The following GLIS3 variants were observed in gnomAD, a reference collection of about 807,000 sequenced individuals.
The protein encoded by GLIS3 is zinc finger protein GLIS3.
Under a neutral mutation model 78.6 loss-of-function variants are expected in GLIS3, and 53 were observed. That is an observed-to-expected ratio of 0.67 (90% CI 0.54 to 0.85). GLIS3 has a LOEUF of 0.85. Among genes scored for constraint, GLIS3 ranks in the 40% least tolerant of loss-of-function variants. The probability of loss-of-function intolerance (pLI) is 0.00; values close to 1 mark genes in which losing one functional copy is unlikely to be tolerated. For synonymous variants in GLIS3, 684 were observed against 509.9 expected (o/e 1.34, Z -4.60); for missense variants, 1,703 against 1,231.1 (o/e 1.38, Z -5.74).
chr9:3,912,804 G>A (rs185785620), intron 6 of GLIS3, among the ~76,000 whole-genome samples: 210 of 152,116 alleles, frequency 1.4e-3, no homozygotes, highest in African/African-American at 4.9e-3. Context: ...ATGTTAATAC[G>A]GAATTTCACT....
At chr9:3,861,905 C>G (rs1016007970) in intron 8 of GLIS3, among the ~76,000 whole-genome samples, 3 of 152,092 alleles carry the variant, frequency 2.0e-5, no homozygotes, top group African/African-American at 7.2e-5. Context: ...CTGTAACAAA[C>G]CGGCACATCC....
intron 6 of GLIS3, among the ~76,000 whole-genome samples, chr9:3,914,034 G>A (rs567460183): frequency 2.0e-5 from 3 of 151,010 alleles, no homozygotes; most frequent in Non-Finnish European, 4.5e-5. Context: ...GGGAAGAAAA[G>A]AATGGGGCAG....
intron 4 of GLIS3, among the ~76,000 whole-genome samples, chr9:3,973,874 T>C (rs1200290973): frequency 6.6e-6 from 1 of 152,104 alleles, no homozygotes; most frequent in Non-Finnish European, 1.5e-5. Flanking sequence ...TTTGTAAAAC[T>C]TTTACATGTT....
At chr9:4,257,497 C>G (rs1825076348) in intron 2 of GLIS3, among the ~76,000 whole-genome samples, 2 of 151,918 alleles carry the variant, frequency 1.3e-5, no homozygotes, top group African/African-American at 4.8e-5. Context: ...AAAAAGCAAA[C>G]CAAAAGAAAG....
chr9:4,395,769 CTTTTTTTCT>C, the GLIS3 span, among the ~76,000 whole-genome samples: 3,860 of 145,802 alleles, frequency 0.026, 77 homozygotes, highest in South Asian at 0.083. Context: ...TTTCTTTTTT[CTTTTTTTCT>C]TTTTTTTTTT....
At chr9:3,969,520 C>T (rs1818217503) in intron 4 of GLIS3, among the ~76,000 whole-genome samples, 1 of 152,170 alleles carries the variant, frequency 6.6e-6, no homozygotes, top group Admixed American at 6.5e-5. Context: ...ACGAAGTAAT[C>T]AAGATCAATT....
the GLIS3 span, among the ~76,000 whole-genome samples, chr9:4,356,526 G>A: frequency 6.6e-6 from 1 of 152,226 alleles, no homozygotes; most frequent in South Asian, 2.1e-4. Flanking sequence ...TAGATGGGAG[G>A]AAATTGAAGG....
At chr9:4,168,932 C>T (rs1816123147) in intron 2 of GLIS3, among the ~76,000 whole-genome samples, 1 of 152,150 alleles carries the variant, frequency 6.6e-6, no homozygotes, top group African/African-American at 2.4e-5. Flanking sequence ...TTATGCAAAT[C>T]GTGGCAGCAA....
At chr9:4,450,749 A>C in the GLIS3 span, among the ~76,000 whole-genome samples, 2 of 152,204 alleles carry the variant, frequency 1.3e-5, no homozygotes, top group Non-Finnish European at 2.9e-5. Context: ...AGCCAAACTA[A>C]GCTTCACAAG....
intron 4 of GLIS3, among the ~76,000 whole-genome samples, chr9:4,073,938 A>C (rs930930239): frequency 6.6e-6 from 1 of 152,204 alleles, no homozygotes; most frequent in Admixed American, 6.5e-5. Context: ...GCAGAAGAGA[A>C]AAGAGTCACT....
chr9:3,914,581 G>A (rs1824377267), intron 6 of GLIS3, among the ~76,000 whole-genome samples: 1 of 152,028 alleles, frequency 6.6e-6, no homozygotes, highest in Admixed American at 6.5e-5. Flanking sequence ...CCTTCCAATA[G>A]GAAATGCTAA....
At chr9:4,403,003 C>G in the GLIS3 span, among the ~76,000 whole-genome samples, 2 of 152,152 alleles carry the variant, frequency 1.3e-5, no homozygotes, top group African/African-American at 4.8e-5. Flanking sequence ...CCAAAGAAGA[C>G]TACTTCAAAG....
At chr9:4,459,635 C>G in the GLIS3 span, among the ~76,000 whole-genome samples, 5 of 152,042 alleles carry the variant, frequency 3.3e-5, no homozygotes, top group Non-Finnish European at 7.4e-5. Context: ...CATGGTGGTA[C>G]ACGCCTGTGG....
At chr9:3,862,780 G>C (rs1820305588) in intron 8 of GLIS3, among the ~76,000 whole-genome samples, 2 of 152,124 alleles carry the variant, frequency 1.3e-5, no homozygotes, top group South Asian at 4.2e-4. Context: ...TTCCACGGCG[G>C]CTACAGACCT....
the GLIS3 span, among the ~76,000 whole-genome samples, chr9:4,364,726 A>ATG: frequency 1.9e-5 from 2 of 104,182 alleles, no homozygotes; most frequent in African/African-American, 7.0e-5. Flanking sequence ...ATATATATAT[A>ATG]TTATGTATTC....
intron 4 of GLIS3, among the ~76,000 whole-genome samples, chr9:4,091,342 G>C (rs1382098082): frequency 6.6e-6 from 1 of 151,896 alleles, no homozygotes; most frequent in East Asian, 1.9e-4. Context: ...ACTCCAGCCT[G>C]GGCAACAGAG....
the GLIS3 span, among the ~76,000 whole-genome samples, chr9:4,410,551 T>C: frequency 6.6e-6 from 1 of 152,232 alleles, no homozygotes; most frequent in South Asian, 2.1e-4. Flanking sequence ...CTGAATTTAT[T>C]AAAAACTGAA....
chr9:4,166,537 G>C (rs1815856538), intron 2 of GLIS3, among the ~76,000 whole-genome samples: 1 of 152,234 alleles, frequency 6.6e-6, no homozygotes, highest in African/African-American at 2.4e-5. Context: ...CTGCACTAAT[G>C]ATATAAGTTC....
chr9:4,013,867 G>T (rs1189328023), intron 4 of GLIS3, among the ~76,000 whole-genome samples: 1 of 152,158 alleles, frequency 6.6e-6, no homozygotes. Context: ...TTAAGTCCAG[G>T]TAGCACTTGT....
Sources: gnomAD v4.1 joint callset for allele counts (sites outside exome capture counted in the v4.1 genomes callset) on GRCh38, gnomAD v4.1.1 for gene constraint, MANE v1.5 for transcripts, NCBI Gene and HGNC (gene_info 2026-07-23, HGNC 2026-07-21) for gene names.